Variants in MTMR4 observed in about 807,000 individuals in gnomAD.
The protein encoded by MTMR4 is phosphatidylinositol-3,5-bisphosphate 3-phosphatase MTMR4.
MTMR4 carries 30 observed loss-of-function variants against 125.5 expected under a neutral mutation model. The ratio of observed to expected loss-of-function variants is 0.24; its 90% CI spans 0.18 to 0.32. The LOEUF (loss-of-function observed/expected upper bound fraction) is 0.32, where lower values mean the gene tolerates loss of function less well. Ranked by LOEUF, MTMR4 falls within the 10% of genes least tolerant of loss-of-function variation. The pLI is 1.00. For missense variants in MTMR4, 1,039 were observed against 1,511.5 expected, an observed-to-expected ratio of 0.69 and a Z score of 5.18; for synonymous variants, 498 against 564.5, an observed-to-expected ratio of 0.88 and a Z score of 1.67.
rs770218420 is a variant in MTMR4, at chr17:58,505,555, G to A, written c.1062C>T (p.Phe354=). ...TGGCATGGATGTTGGCCATTCCCAT[G>A]AACACGACCTCACAGTTGGGATAGT... is the stretch of plus-strand genomic sequence containing the variant. ...EEYYPNCEVV[F]MGMANIHAIR... The change falls in exon 10 of 18, where the codon TTC becomes TTT. Residue 354 remains phenylalanine (F), a synonymous_variant. Coordinates refer to ENST00000682306, the MANE Select transcript of MTMR4 (RefSeq NM_001378067.1). 6 of 1,612,082 alleles carry A rather than the reference G, an allele frequency of 3.7e-6. No individual in the cohort carries two copies. In the African/African-American group the frequency reaches 8.0e-5, roughly 22 times the overall value.
intron 15 of MTMR4, 123 bp from the exon 16 acceptor site, chr17:58,493,075 A>C: frequency 1.5e-6 from 1 of 687,936 alleles, no homozygotes; most frequent in South Asian, 1.8e-5. Flanking sequence ...CAGTCTTACA[A>C]TGTATACTAC....
chr17:58,514,767 AC>A, upstream of MTMR4: 1 of 737,714 alleles, frequency 1.4e-6, no homozygotes, highest in African/African-American at 1.9e-5. Flanking sequence ...AGGAGGGCGT[AC>A]CCTACTCCAG....
In MTMR4 at chr17:58,512,993, C is replaced by T. The variant is rs1295969393; in HGVS notation, c.46-52G>A. On this transcript the variant is annotated intron_variant, in intron 1 of 17. Transcript: ENST00000682306. This position sits in a 1 kb window ranked among gnomAD's most constrained non-coding sequence, Gnocchi z 4.1. ...ACCAAGCTCCACTTAGCCCATCAGG[C>T]TCATTCTGCTCCTCTCCCCACCAAG... The T allele has an allele frequency of 7.6e-7, 1 of 1,314,548 alleles. No homozygotes were observed. Among genetic ancestry groups the T allele is most frequent in the Admixed American group, 1.8e-5 (1 of 55,658 alleles). 81.4% of individuals were successfully genotyped at this position (1,314,548 alleles called of 1,614,324 possible).
At position 58,495,703 on chromosome 17, in the gene MTMR4, G is replaced by A. The variant is rs373861338; in HGVS notation, c.2481C>T (p.Thr827=). ...SKCVLDHSLS[T]VCNPPSAACQ... is the part of the protein sequence containing the mutation. The stretch of plus-strand genomic sequence containing the variant: ...AGGCAGCACTCGGTGGGTTGCAAAC[G>A]GTGCTGAGGCTGTGATCAAGAACAC... The change falls in exon 15 of 18, where the codon ACC becomes ACT. Residue 827 remains threonine, a synonymous_variant. Coordinates refer to ENST00000682306, the MANE Select transcript of MTMR4 (RefSeq NM_001378067.1). 1.1e-5 allele frequency: 17 copies of A among 1,614,042 alleles called. No homozygotes were observed. Among genetic ancestry groups the A allele is most frequent in the Middle Eastern group, 1.6e-4 (1 of 6,084 alleles).
Position 58,491,844 on chromosome 17 carries a change from T to G in MTMR4, c.3453-4A>C. On this transcript the variant is annotated splice_region_variant and splice_polypyrimidine_tract_variant and intron_variant, in intron 17 of 17. Transcript: ENST00000682306. ...ACAAAATACATTCCCACAATTTCTG[T>G]CAAAGCAGAAAGAGGGAAGAGTTCA... 1.9e-6 allele frequency: 3 copies of G among 1,609,616 alleles called. No homozygotes were observed. Among genetic ancestry groups the G allele is most frequent in the Non-Finnish European group, 2.6e-6 (3 of 1,176,310 alleles).
Position 58,492,950 on chromosome 17 carries a change from T to A in MTMR4, c.3255A>T (p.Thr1085=). 6.2e-7 allele frequency: 1 copy of A among 1,613,496 alleles called. No individual in the cohort carries two copies. Among genetic ancestry groups the A allele is most frequent in the Non-Finnish European group, 8.5e-7 (1 of 1,179,390 alleles). ...CACTGCCATCTGACTCCTTCAAACA[T>A]GTCTGATGAAAAGGCAAAGACAACA... ...EPPMDYEDDF[T]CLKESDGSDT... The change falls in exon 16 of 18, where the codon ACA becomes ACT. Residue 1085 remains threonine (T), a splice_region_variant and synonymous_variant. Transcript: ENST00000682306.
chr17:58,516,621 G>A, upstream of MTMR4: 4 of 1,613,396 alleles, frequency 2.5e-6, no homozygotes, highest in East Asian at 2.2e-5. Flanking sequence ...GCTTCTCACT[G>A]TAAGGAGACA....
At position 58,494,221 on chromosome 17, in the gene MTMR4, G is replaced by T. The variant is rs1362952700; in HGVS notation, c.3252+711C>A. On this transcript the variant is annotated intron_variant, in intron 15 of 17. Coordinates refer to ENST00000682306, the MANE Select transcript of MTMR4 (RefSeq NM_001378067.1). Reference sequence around the variant, plus strand: ...TGTAGTCCCAGCTACTCAGGAGGCTGAGGCAGGAGAATGGCGTGAACCCGG... The same window carrying T: ...TGTAGTCCCAGCTACTCAGGAGGCTTAGGCAGGAGAATGGCGTGAACCCGG... Among the ~76,000 whole-genome samples, 4 of 151,512 alleles carry T rather than the reference G, an allele frequency of 2.6e-5. No homozygotes were observed. In the East Asian group the frequency reaches 7.8e-4, roughly 29 times the overall value.
At chr17:58,515,711 G>A (rs1976069348), upstream of MTMR4, among the ~76,000 whole-genome samples, 1 of 152,186 alleles carries the variant, frequency 6.6e-6, no homozygotes. Flanking sequence ...GTTGGTGGGG[G>A]CCAAAACCAG....
rs763232293 is a variant in MTMR4, at chr17:58,490,244, T to G, written c.*1419A>C. The G allele has an allele frequency of 6.6e-6, 1 of 152,508 alleles. No individual in the cohort carries two copies. The highest frequency in any genetic ancestry group is 1.5e-5 in the Non-Finnish European group (1 of 68,034). 9.4% of individuals were successfully genotyped at this position (152,508 alleles called of 1,614,324 possible). A position where few individuals can be genotyped will look rare whatever the true frequency, so the allele number is the denominator to read the frequency against. On this transcript the variant is annotated 3_prime_UTR_variant, in exon 18 of 18. Transcript: ENST00000682306. ...CCATCATTTCAAAACAGGATAAGCC[T>G]AAATATAATTTACCATTTATATGTC...
Position 58,505,349 on chromosome 17 carries a change from A to C in MTMR4, c.1145+123T>G. The stretch of plus-strand genomic sequence containing the variant: ...TCTTGGAACTAGCCCACGGCACCCA[A>C]CTCCACCCAGGCCCTCAGGTCTCCT... On this transcript the variant is annotated intron_variant, in intron 10 of 17. Coordinates refer to ENST00000682306, the MANE Select transcript of MTMR4 (RefSeq NM_001378067.1). 8 of 807,360 alleles carry C rather than the reference A, an allele frequency of 9.9e-6. No individual in the cohort carries two copies. The South Asian group carries it at 1.3e-4, about 13-fold the overall frequency. The allele number at this position is 807,360 out of a possible 1,614,324, so 50.0% of individuals were successfully genotyped here. A position where few individuals can be genotyped will look rare whatever the true frequency, so the allele number is the denominator to read the frequency against.
intron 10 of MTMR4, 150 bp downstream of exon 10, chr17:58,505,322 G>A (rs912070390): frequency 1.5e-6 from 1 of 650,112 alleles, no homozygotes; most frequent in African/African-American, 1.8e-5. Context: ...AAGTGGAAGG[G>A]TTCTTGGAAC....
intron 4 of MTMR4, 175 bp downstream of exon 4, chr17:58,511,254 A>G: frequency 3.6e-6 from 2 of 559,000 alleles, no homozygotes; most frequent in South Asian, 2.6e-5. Context: ...TTTCAGGTCA[A>G]GATCCTATGG....
chr17:58,495,033 C>T lies in MTMR4; in HGVS notation c.3151G>A (p.Glu1051Lys). The T allele has an allele frequency of 6.2e-7, 1 of 1,614,228 alleles. No homozygotes were observed. The highest frequency in any genetic ancestry group is 8.5e-7 in the Non-Finnish European group (1 of 1,180,048). Residue 1051 changes from glutamate to lysine, a missense_variant, in exon 15 of 18, where the codon GAG (glutamate) becomes AAG (lysine). Around this residue, in one of 6 missense-constraint regions of MTMR4, gnomAD observed 619 missense variants for 714.5 expected, o/e 0.87. Transcript: ENST00000682306. ...TCACGCACCTGTCGACGTAGCTGCTCCACCTCTTGTTTGTACCCTGCTTCG... is the reference window on the plus strand; with the variant it reads ...TCACGCACCTGTCGACGTAGCTGCTTCACCTCTTGTTTGTACCCTGCTTCG... ...QIEAGYKQEVEQLRRQVRELQ... is the reference protein window; with the variant it reads ...QIEAGYKQEVKQLRRQVRELQ...
rs181179190 is a variant in MTMR4 at position 58,512,111 on chromosome 17, G to A, written c.252+279C>T. Among the ~76,000 whole-genome samples, 2 of 152,036 alleles carry A rather than the reference G, an allele frequency of 1.3e-5. No individual in the cohort carries two copies. The highest frequency in any genetic ancestry group is 1.9e-4 in the East Asian group (1 of 5,180). On this transcript the variant is annotated intron_variant, in intron 3 of 17. Transcript: ENST00000682306. This position sits in a 1 kb window ranked among gnomAD's most constrained non-coding sequence, Gnocchi z 4.1. Reference sequence around the variant, plus strand: ...AAGTGATTCCCGTACCTCAGCCCCCGAGTAGGTGGGATTACAGGTGCGCAC... The same window carrying A: ...AAGTGATTCCCGTACCTCAGCCCCCAAGTAGGTGGGATTACAGGTGCGCAC...
chr17:58,515,618 C>G (rs977814999), upstream of MTMR4, among the ~76,000 whole-genome samples: 11 of 152,132 alleles, frequency 7.2e-5, no homozygotes, highest in Non-Finnish European at 1.6e-4. Flanking sequence ...AGTGGTGGTG[C>G]TAGGATTTGA....
chr17:58,495,104 C>T lies in MTMR4; in HGVS notation c.3080G>A (p.Gly1027Glu). Residue 1027 changes from glycine to glutamate, a missense_variant, in exon 15 of 18, where the codon GGA (glycine) becomes GAA (glutamate). By Grantham distance (98) the Gly-to-Glu change is moderately conservative. Coordinates refer to ENST00000682306, the MANE Select transcript of MTMR4 (RefSeq NM_001378067.1). ...PVPPLYLDDD[G>E]LPFPTDVIQH... is the part of the protein sequence containing the mutation. ...GATCACATCCGTGGGAAAGGGGAGT[C>T]CATCATCATCCAAATACAGAGGAGG... 6.2e-7 allele frequency: 1 copy of T among 1,614,208 alleles called. No individual in the cohort carries two copies. Among genetic ancestry groups the T allele is most frequent in the Non-Finnish European group, 8.5e-7 (1 of 1,180,034 alleles).
At position 58,512,817 on chromosome 17, in the gene MTMR4, A is replaced by G. The variant is rs1280687923; in HGVS notation, c.135+35T>C. Reference sequence around the variant, plus strand: ...GAGGGTGTTTTTTAACTGGGCAGGGAGCCCCATCTATCCTGGCCCCCAACT... The same window carrying G: ...GAGGGTGTTTTTTAACTGGGCAGGGGGCCCCATCTATCCTGGCCCCCAACT... On this transcript the variant is annotated intron_variant, in intron 2 of 17. Coordinates refer to ENST00000682306, the MANE Select transcript of MTMR4 (RefSeq NM_001378067.1). This position sits in a 1 kb window ranked among gnomAD's most constrained non-coding sequence, Gnocchi z 4.1. 1.3e-6 allele frequency: 2 copies of G among 1,556,886 alleles called. No individual in the cohort carries two copies. The highest frequency in any genetic ancestry group is 1.4e-5 in the African/African-American group (1 of 73,526).
Position 58,496,180 on chromosome 17 carries a change from T to A in MTMR4, c.2004A>T (p.Ser668=), listed in dbSNP as rs749902916. 1.2e-6 allele frequency: 2 copies of A among 1,614,200 alleles called. No homozygotes were observed. The highest frequency in any genetic ancestry group is 3.3e-5 in the Admixed American group (2 of 60,014). ...CCCCAGAGTCCACAAAGCTTGTCTCTGATCCCTCAGGATTGCTGTGCCAGG... is the reference window on the plus strand; with the variant it reads ...CCCCAGAGTCCACAAAGCTTGTCTCAGATCCCTCAGGATTGCTGTGCCAGG... ...LEPWHSNPEG[S]ETSFVDSGVG... The change falls in exon 15 of 18, where the codon TCA becomes TCT. Residue 668 remains serine (S), a synonymous_variant. Coordinates refer to ENST00000682306, the MANE Select transcript of MTMR4 (RefSeq NM_001378067.1).
Sources: allele counts gnomAD v4.1 joint callset (sites outside exome capture counted in the v4.1 genomes callset), GRCh38; gene constraint gnomAD v4.1.1; regional missense constraint gnomAD v4.1.1; non-coding constraint Gnocchi (gnomAD v3.1); transcripts MANE v1.5; gene names NCBI Gene and HGNC (gene_info 2026-07-23, HGNC 2026-07-21).